The following CDH3 variants were observed in gnomAD, a reference collection of about 807,000 sequenced individuals.
The protein encoded by CDH3 is cadherin-3.
CDH3 carries 54 observed loss-of-function variants against 82.0 expected under a neutral mutation model. The ratio of observed to expected loss-of-function variants is 0.66; its 90% CI spans 0.53 to 0.83. CDH3 has a LOEUF of 0.83. Among genes scored for constraint, CDH3 ranks in the 40% least tolerant of loss-of-function variants. The pLI, the probability that CDH3 is intolerant of heterozygous loss-of-function variation, is 0.00. For synonymous variants in CDH3, 446 were observed against 437.9 expected (o/e 1.02, Z -0.23); for missense variants, 1,054 against 1,084.6 (o/e 0.97, Z 0.40).
chr16:68,729,230 G>A (rs149427733), downstream of CDH3, among the ~76,000 whole-genome samples: 1,427 of 152,292 alleles, frequency 9.4e-3, 24 homozygotes, highest in African/African-American at 0.032. Context: ...GCTTGAACCC[G>A]GGAGGCGGAG....
Position 68,699,715 on chromosome 16 carries a change from C to T in CDH3, c.*1315C>T, listed in dbSNP as rs990814609. The T allele has an allele frequency of 2.0e-5, 3 of 152,122 alleles. No homozygotes were observed. The highest frequency in any genetic ancestry group is 2.4e-5 in the African/African-American group (1 of 41,428). 9.4% of individuals were successfully genotyped at this position (152,122 alleles called of 1,614,324 possible). ...TTTCACTGTGTTAGCCAGGATGTCT[C>T]GATCTCCTGACCTCGTGATCCGCCC... On this transcript the variant is annotated 3_prime_UTR_variant, in exon 16 of 16. Coordinates refer to ENST00000264012, the MANE Select transcript of CDH3 (RefSeq NM_001793.6).
intron 14 of CDH3, 107 bp from the exon 15 acceptor site, chr16:68,695,670 C>T: frequency 4.5e-6 from 6 of 1,319,402 alleles, no homozygotes; most frequent in Non-Finnish European, 6.5e-6. Context: ...AAGACCTCCC[C>T]ATGAGCCAGA....
chr16:68,676,722 C>T (rs1961044727), intron 3 of CDH3, among the ~76,000 whole-genome samples: 1 of 152,174 alleles, frequency 6.6e-6, no homozygotes, highest in African/African-American at 2.4e-5. Flanking sequence ...GAGTAATCAC[C>T]CACTGTACTG....
the CDH3 span, among the ~76,000 whole-genome samples, chr16:68,732,965 G>A: frequency 6.7e-6 from 1 of 149,072 alleles, no homozygotes. Flanking sequence ...GTGGGGGAAG[G>A]AGAGCCTGGG....
rs528959439 is a variant in CDH3 at position 68,712,347 on chromosome 16, C to A, written c.100-10078C>A. On this transcript the variant is annotated intron_variant, in intron 1 of 2. Coordinates refer to the CDH3 transcript ENST00000569080. ...CATCACACCCGGCCCAGAGAGGTTT[C>A]AACAAGAGCAGCTGGAGCTGGGAGT... 9.9e-5 allele frequency among the ~76,000 whole-genome samples: 15 copies of A among 152,142 alleles called. 1 individual carries two copies. In the South Asian group the frequency reaches 3.1e-3, roughly 32 times the overall value.
chr16:68,695,706 G>C, intron 14 of CDH3, 71 bp from the exon 15 acceptor site: 1 of 1,543,770 alleles, frequency 6.5e-7, no homozygotes, highest in East Asian at 2.2e-5. Flanking sequence ...GGGGTGTGGG[G>C]TGAGATGTAA....
chr16:68,679,713 AAAAAAG>A, intron 6 of CDH3, 80 bp from the exon 7 acceptor site: 1 of 792,568 alleles, frequency 1.3e-6, no homozygotes, highest in Non-Finnish European at 2.0e-6. Flanking sequence ...AAAAAAAAAA[AAAAAAG>A]AAAAGAAAAA....
intron 2 of CDH3, among the ~76,000 whole-genome samples, chr16:68,661,322 C>A (rs536900328): frequency 1.7e-4 from 26 of 152,270 alleles, no homozygotes; most frequent in Admixed American, 1.1e-3. Flanking sequence ...ACTTGTGGAA[C>A]CTTGGGGCAA....
intron 2 of CDH3, among the ~76,000 whole-genome samples, chr16:68,661,162 CTT>C (rs1415342056): frequency 6.6e-6 from 1 of 152,140 alleles, no homozygotes; most frequent in African/African-American, 2.4e-5. Context: ...TTTCTTCACA[CTT>C]TACATAAAAA....
At position 68,684,661 on chromosome 16, in the gene CDH3, C is replaced by T. The variant is rs762730382; in HGVS notation, c.1261C>T (p.Pro421Ser). The T allele has an allele frequency of 6.2e-7, 1 of 1,614,188 alleles. No homozygotes were observed. Among genetic ancestry groups the T allele is most frequent in the Admixed American group, 1.7e-5 (1 of 60,026 alleles). The change falls in exon 10 of 16, where the codon CCA becomes TCA. Residue 421 changes from proline to serine, a missense_variant. Pro to Ser is a moderately conservative substitution (Grantham distance 74, BLOSUM62 -1). Transcript: ENST00000264012. ...CGAGGCCCCTTTTGTGCTGAAGCTCCCAACCTCCACAGCCACCATAGTGGT... is the reference window on the plus strand; with the variant it reads ...CGAGGCCCCTTTTGTGCTGAAGCTCTCAACCTCCACAGCCACCATAGTGGT... ...TNEAPFVLKL[P>S]TSTATIVVHV...
At chr16:68,658,062 CTTTTTTTTTTTTT>C (rs113679101) in intron 2 of CDH3, among the ~76,000 whole-genome samples, 1 of 126,146 alleles carries the variant, frequency 7.9e-6, no homozygotes, top group Non-Finnish European at 1.7e-5. Context: ...CTTTTTCTTT[CTTTTTTTTTTTTT>C]TTTTTTTAGA....
chr16:68,720,762 C>G (rs575722989), intron 1 of CDH3, among the ~76,000 whole-genome samples: 1 of 152,002 alleles, frequency 6.6e-6, no homozygotes, highest in East Asian at 1.9e-4. Flanking sequence ...GCTGGGATTA[C>G]AGGAGCCTGC....
intron 2 of CDH3, among the ~76,000 whole-genome samples, chr16:68,673,772 A>G (rs2152097980): frequency 6.6e-6 from 1 of 152,222 alleles, no homozygotes; most frequent in Non-Finnish European, 1.5e-5. Context: ...TAAAAATACT[A>G]AAATTAGCTG....
At chr16:68,691,145 A>G (rs1040462413) in intron 12 of CDH3, among the ~76,000 whole-genome samples, 3 of 151,346 alleles carry the variant, frequency 2.0e-5, no homozygotes, top group African/African-American at 7.3e-5. Context: ...AGCTGGGACT[A>G]CAGGCACGTG....
At position 68,682,464 on chromosome 16, in the gene CDH3, C is replaced by CAGG; in HGVS notation, c.1160_1162dup (p.Gln387_Gly388insGlu). On this transcript the variant is annotated inframe_insertion, in exon 9 of 16. Coordinates refer to ENST00000264012, the MANE Select transcript of CDH3 (RefSeq NM_001793.6). Reference sequence around the variant, plus strand: ...CATCACCACCCACCCTGAGAGCAACCAGGGCATCCTGACAACCAGGAAGGT... The same window carrying CAGG: ...CATCACCACCCACCCTGAGAGCAACCAGGAGGGCATCCTGACAACCAGGAAGGT... 6.2e-7 allele frequency: 1 copy of CAGG among 1,614,090 alleles called. No homozygotes were observed.
At chr16:68,669,660 G>GTCT in intron 2 of CDH3, among the ~76,000 whole-genome samples, 1 of 152,186 alleles carries the variant, frequency 6.6e-6, no homozygotes, top group South Asian at 2.1e-4. Flanking sequence ...TGGGGATTAA[G>GTCT]TCTTCTGAGT....
chr16:68,695,155 T>A (rs1336938660), intron 13 of CDH3, 100 bp from the exon 14 acceptor site: 2 of 1,244,764 alleles, frequency 1.6e-6, no homozygotes, highest in Non-Finnish European at 2.4e-6. Context: ...CTCTGGCTAC[T>A]GAGTGAGGAC....
chr16:68,654,212 A>G (rs1279080269), intron 2 of CDH3, among the ~76,000 whole-genome samples: 1 of 148,718 alleles, frequency 6.7e-6, no homozygotes, highest in Non-Finnish European at 1.5e-5. Context: ...GGCATGTGCC[A>G]CCATGCCCAG....
At chr16:68,689,891 G>A (rs1410099413) in intron 12 of CDH3, among the ~76,000 whole-genome samples, 1 of 152,150 alleles carries the variant, frequency 6.6e-6, no homozygotes, top group African/African-American at 2.4e-5. Context: ...AGTGATTGGG[G>A]GCACTACGGG....
Sources: allele counts gnomAD v4.1 joint callset (sites outside exome capture counted in the v4.1 genomes callset), GRCh38; gene constraint gnomAD v4.1.1; transcripts MANE v1.5; gene names NCBI Gene and HGNC (gene_info 2026-07-23, HGNC 2026-07-21).